The following NTM variants were observed in gnomAD, a reference collection of about 807,000 sequenced individuals.
The protein encoded by NTM is IgLON family member 2.
Under a neutral mutation model 42.1 loss-of-function variants are expected in NTM, and 13 were observed. That is an observed-to-expected ratio of 0.31 (90% confidence interval 0.20 to 0.49). The LOEUF is 0.49. Ranked by LOEUF, NTM falls within the 20% of genes least tolerant of loss-of-function variation. The probability of loss-of-function intolerance (pLI) is 0.99; values close to 1 mark genes in which losing one functional copy is unlikely to be tolerated. For missense variants in NTM, 373 were observed against 452.8 expected (o/e 0.82, Z 1.60); for synonymous variants, 187 against 179.2 (o/e 1.04, Z -0.35).
At chr11:131,991,192 G>T (rs2066954819) in intron 2 of NTM, among the ~76,000 whole-genome samples, 2 of 152,112 alleles carry the variant, frequency 1.3e-5, no homozygotes, top group Admixed American at 1.3e-4. Context: ...GGACTTAAAA[G>T]AGGTGTTTTT....
At chr11:131,455,144 G>A (rs746367550) in intron 1 of NTM, among the ~76,000 whole-genome samples, 1 of 152,180 alleles carries the variant, frequency 6.6e-6, no homozygotes, top group African/African-American at 2.4e-5. Flanking sequence ...CAGCAGCTGG[G>A]CCAGTAAAAG....
At chr11:131,406,033 T>C (rs1478589498) in intron 1 of NTM, among the ~76,000 whole-genome samples, 3 of 152,236 alleles carry the variant, frequency 2.0e-5, no homozygotes, top group Non-Finnish European at 4.4e-5. Flanking sequence ...GTATTCTGTG[T>C]AACTTCCTGC....
chr11:132,225,855 T>C (rs10894524), intron 4 of NTM, among the ~76,000 whole-genome samples: 53,604 of 151,774 alleles, frequency 0.35, 10,051 homozygotes, highest in Middle Eastern at 0.54. Flanking sequence ...ATGGTATCCC[T>C]CCTCTAGCCC....
At chr11:131,482,753 G>C (rs1037179242) in intron 1 of NTM, among the ~76,000 whole-genome samples, 5 of 152,194 alleles carry the variant, frequency 3.3e-5, no homozygotes, top group Non-Finnish European at 7.3e-5. Context: ...AAATTTGGGA[G>C]AGTGGATAGA....
chr11:131,987,543 G>A (rs1350784754), intron 2 of NTM, among the ~76,000 whole-genome samples: 1 of 152,054 alleles, frequency 6.6e-6, no homozygotes, highest in South Asian at 2.1e-4. Context: ...TTTGCTTTTA[G>A]GCACATTACC....
At chr11:131,535,250 C>T (rs918162278) in intron 1 of NTM, 3 of 152,178 alleles carry the variant, frequency 2.0e-5, no homozygotes, top group African/African-American at 7.2e-5. Context: ...GGCAGGGGAA[C>T]AAGGCACTAT....
chr11:132,137,327 C>T (rs756055129), intron 2 of NTM, among the ~76,000 whole-genome samples: 20 of 152,198 alleles, frequency 1.3e-4, no homozygotes, highest in Admixed American at 2.0e-4. Context: ...TTCTTCGCAG[C>T]TCCTTCCCTG....
At position 132,083,957 on chromosome 11, in the gene NTM, G is replaced by GA. The variant is rs531486876; in HGVS notation, c.168-62315dup. Reference sequence around the variant, plus strand: ...TCAAAATAAAAGTGCCCTTGACTCAGAAAAAAAAAATTAGCAATATTTTAA... The same window carrying GA: ...TCAAAATAAAAGTGCCCTTGACTCAGAAAAAAAAAAATTAGCAATATTTTAA... On this transcript the variant is annotated intron_variant, in intron 2 of 8. Coordinates refer to ENST00000683400, the MANE Select transcript of NTM (RefSeq NM_001352005.2). 9.0e-4 allele frequency among the ~76,000 whole-genome samples: 132 copies of GA among 146,546 alleles called. 3 individuals carry two copies. The highest frequency in any genetic ancestry group is 6.1e-3 in the Admixed American group (90 of 14,748).
intron 1 of NTM, among the ~76,000 whole-genome samples, chr11:131,844,544 T>C (rs1224102866): frequency 1.3e-5 from 2 of 152,206 alleles, no homozygotes; most frequent in Admixed American, 6.5e-5. Context: ...ATAAAACTTA[T>C]AGAATATTTT....
At position 132,063,298 on chromosome 11, in the gene NTM, A is replaced by C. The variant is rs79505787; in HGVS notation, c.168-82984A>C. Among the ~76,000 whole-genome samples the C allele has an allele frequency of 4.3e-3, 660 of 152,316 alleles. 2 individuals carry two copies. Among genetic ancestry groups the C allele is most frequent in the African/African-American group, 0.015 (635 of 41,572 alleles). On this transcript the variant is annotated intron_variant, in intron 2 of 8. Coordinates refer to ENST00000683400, the MANE Select transcript of NTM (RefSeq NM_001352005.2). The stretch of plus-strand genomic sequence containing the variant: ...AATGCATGAATTTGGGGACACAAAC[A>C]TTTAGCCTATGGCAGTAGGAATAGC...
intron 1 of NTM, among the ~76,000 whole-genome samples, chr11:131,689,694 G>T (rs995650539): frequency 3.9e-5 from 6 of 152,154 alleles, no homozygotes; most frequent in African/African-American, 1.2e-4. Context: ...GGGTGCCATG[G>T]ATCTTGGGTC....
chr11:132,171,720 T>G (rs960784897), intron 3 of NTM, among the ~76,000 whole-genome samples: 1 of 152,218 alleles, frequency 6.6e-6, no homozygotes, highest in African/African-American at 2.4e-5. Context: ...TTTGTAATGA[T>G]TAAAAACTCA....
chr11:132,124,635 G>A (rs1199232389), intron 2 of NTM, among the ~76,000 whole-genome samples: 1 of 152,192 alleles, frequency 6.6e-6, no homozygotes, highest in African/African-American at 2.4e-5. Context: ...GCGCGCACGC[G>A]CAGGGCGGGG....
At chr11:132,050,359 C>T (rs1434982440) in intron 2 of NTM, among the ~76,000 whole-genome samples, 1 of 152,114 alleles carries the variant, frequency 6.6e-6, no homozygotes, top group Non-Finnish European at 1.5e-5. Flanking sequence ...TCCTCAGAGC[C>T]CTGTGAACCA....
chr11:132,287,119 C>G (rs566493161), intron 4 of NTM, among the ~76,000 whole-genome samples: 67 of 152,334 alleles, frequency 4.4e-4, no homozygotes, highest in African/African-American at 1.6e-3. Context: ...GTCTGATGCT[C>G]ATCCATCATC....
At chr11:132,101,396 A>G (rs958511224) in intron 2 of NTM, among the ~76,000 whole-genome samples, 1 of 152,178 alleles carries the variant, frequency 6.6e-6, no homozygotes, top group African/African-American at 2.4e-5. Flanking sequence ...CAGCTCCTCA[A>G]TACGATAACC....
At chr11:131,472,710 A>C (rs1246108126) in intron 1 of NTM, among the ~76,000 whole-genome samples, 1 of 152,194 alleles carries the variant, frequency 6.6e-6, no homozygotes, top group African/African-American at 2.4e-5. Context: ...TTGACAATGA[A>C]TAAATGTAAT....
intron 1 of NTM, among the ~76,000 whole-genome samples, chr11:131,592,647 A>AACAC (rs3040142): frequency 0.029 from 4,090 of 140,724 alleles, 159 homozygotes; most frequent in East Asian, 0.16. Context: ...ACACACCCCA[A>AACAC]ACACACACAC....
At chr11:131,426,451 G>T (rs533147591) in intron 1 of NTM, among the ~76,000 whole-genome samples, 1 of 152,308 alleles carries the variant, frequency 6.6e-6, no homozygotes. Context: ...ATGCTGTGGA[G>T]AATTCCTCTG....
Sources: allele counts gnomAD v4.1 joint callset (sites outside exome capture counted in the v4.1 genomes callset), GRCh38; gene constraint gnomAD v4.1.1; transcripts MANE v1.5; gene names NCBI Gene and HGNC (gene_info 2026-07-23, HGNC 2026-07-21).